Variants in COLQ observed in about 807,000 individuals in gnomAD.
COLQ encodes acetylcholinesterase collagenic tail peptide.
Under a neutral mutation model 69.0 loss-of-function variants are expected in COLQ, and 48 were observed. That is an observed-to-expected ratio of 0.70 (90% CI 0.55 to 0.88). The LOEUF (loss-of-function observed/expected upper bound fraction) is 0.88, where lower values mean the gene tolerates loss of function less well. Among genes scored for constraint, COLQ ranks in the 40% least tolerant of loss-of-function variants. The pLI, the probability that COLQ is intolerant of heterozygous loss-of-function variation, is 0.00. For missense variants in COLQ, 618 were observed against 594.6 expected (o/e 1.04, Z -0.41); for synonymous variants, 217 against 211.2 (o/e 1.03, Z -0.24).
chr3:15,464,365 G>T (rs2062166333), intron 12 of COLQ, among the ~76,000 whole-genome samples: 1 of 152,206 alleles, frequency 6.6e-6, no homozygotes, highest in Non-Finnish European at 1.5e-5. Flanking sequence ...TGGACAACAA[G>T]TCTATTTCTA....
At chr3:15,489,761 G>T in intron 1 of COLQ, 124 bp from the exon 2 acceptor site, 1 of 798,780 alleles carries the variant, frequency 1.3e-6, no homozygotes, top group Non-Finnish European at 2.1e-6. Context: ...TAGCCTGTTA[G>T]ATGTGGATAG....
intron 1 of COLQ, among the ~76,000 whole-genome samples, chr3:15,501,686 A>G (rs770152495): frequency 6.6e-6 from 1 of 152,226 alleles, no homozygotes; most frequent in Non-Finnish European, 1.5e-5. Context: ...TGCAGAGTCC[A>G]GTTATAGCCA....
chr3:15,475,611 C>T, intron 6 of COLQ, 124 bp from the exon 7 acceptor site: 2 of 812,672 alleles, frequency 2.5e-6, no homozygotes, highest in Non-Finnish European at 4.1e-6. Flanking sequence ...TCTGAGGACC[C>T]CAGATGCACC....
intron 15 of COLQ, among the ~76,000 whole-genome samples, chr3:15,455,042 A>G (rs1205651720): frequency 1.3e-5 from 2 of 152,146 alleles, no homozygotes; most frequent in African/African-American, 4.8e-5. Flanking sequence ...CTGGATCTTT[A>G]GAGCAGGGGC....
rs777785311 is a variant in COLQ at position 15,470,602 on chromosome 3, T to C, written c.651A>G (p.Pro217=). ...GMLGQKGEMG[P]KGEPGIAGHR... ...GTCCTGCTATCCCAGGTTCACCTTTTGGACCCATTTCACCCTGGAAAGAAG... is the reference window on the plus strand; with the variant it reads ...GTCCTGCTATCCCAGGTTCACCTTTCGGACCCATTTCACCCTGGAAAGAAG... Residue 217 remains proline, a synonymous_variant, in exon 11 of 17, where the codon CCA becomes CCG. Coordinates refer to ENST00000383788, the MANE Select transcript of COLQ (RefSeq NM_005677.4). 4 of 1,614,052 alleles carry C rather than the reference T, an allele frequency of 2.5e-6. No homozygotes were observed. In the African/African-American group the frequency reaches 5.3e-5, roughly 22 times the overall value.
intron 1 of COLQ, among the ~76,000 whole-genome samples, chr3:15,520,907 C>T (rs1176341772): frequency 6.6e-6 from 1 of 152,176 alleles, no homozygotes; most frequent in East Asian, 1.9e-4. Flanking sequence ...CTCTCAGGAC[C>T]TCCAGCTGCC....
intron 12 of COLQ, among the ~76,000 whole-genome samples, chr3:15,465,968 C>G (rs1208295457): frequency 6.6e-6 from 1 of 152,120 alleles, no homozygotes; most frequent in African/African-American, 2.4e-5. Context: ...TGGAAAAAAC[C>G]TGCAATGTCA....
Position 15,455,892 on chromosome 3 carries a change from C to T in COLQ, c.1195+7G>A, listed in dbSNP as rs1441382509. 2 of 1,614,082 alleles carry T rather than the reference C, an allele frequency of 1.2e-6. No individual in the cohort carries two copies. Among genetic ancestry groups the T allele is most frequent in the South Asian group, 1.1e-5 (1 of 91,086 alleles). ...CCTCAGGTCCTCCTGGTCTGGGCCT[C>T]ACTCACGGATGCAGTCGTCACCCAC... On this transcript the variant is annotated splice_region_variant and intron_variant, in intron 15 of 16. Transcript: ENST00000383788.
At chr3:15,474,812 G>C (rs2062350873) in intron 8 of COLQ, 113 bp downstream of exon 8, 14 of 1,235,920 alleles carry the variant, frequency 1.1e-5, no homozygotes, top group African/African-American at 3.0e-5. Context: ...GCTAGGGATG[G>C]TGGCTTCAGT....
At chr3:15,483,244 C>T (rs1000303256) in intron 3 of COLQ, among the ~76,000 whole-genome samples, 1 of 152,040 alleles carries the variant, frequency 6.6e-6, no homozygotes, top group African/African-American at 2.4e-5. Flanking sequence ...TTATTTCTTG[C>T]CTTCTGCTAG....
chr3:15,521,480 C>T, intron 1 of COLQ, 40 bp downstream of exon 1: 1 of 1,612,988 alleles, frequency 6.2e-7, no homozygotes, highest in Non-Finnish European at 8.5e-7. Flanking sequence ...CCCCTGTCCC[C>T]TGACAGATGG....
In COLQ at chr3:15,450,909, G is replaced by A. The variant is rs2061933126; in HGVS notation, c.*735C>T. 1 of 152,850 alleles carries A rather than the reference G, an allele frequency of 6.5e-6. No homozygotes were observed. Among genetic ancestry groups the A allele is most frequent in the Admixed American group, 6.5e-5 (1 of 15,340 alleles). 9.5% of individuals were successfully genotyped at this position (152,850 alleles called of 1,614,324 possible). A position where few individuals can be genotyped will look rare whatever the true frequency, so the allele number is the denominator to read the frequency against. On this transcript the variant is annotated 3_prime_UTR_variant, in exon 17 of 17. Coordinates refer to ENST00000383788, the MANE Select transcript of COLQ (RefSeq NM_005677.4). ...GCAGAGAGAGCCAAGAGGTCAAGAT[G>A]GTGCCAGAGATTTTGAAACCACAAG...
chr3:15,463,173 A>G (rs2062146433), intron 12 of COLQ, among the ~76,000 whole-genome samples: 1 of 152,150 alleles, frequency 6.6e-6, no homozygotes, highest in African/African-American at 2.4e-5. Context: ...AGGGAACCAG[A>G]CAAGTCAGGT....
intron 1 of COLQ, among the ~76,000 whole-genome samples, chr3:15,509,800 G>A (rs2125177029): frequency 1.3e-5 from 2 of 152,334 alleles, no homozygotes; most frequent in East Asian, 3.9e-4. Context: ...CATAGCCTGT[G>A]CACTGGGATG....
chr3:15,510,831 G>A (rs1304384059), intron 1 of COLQ, among the ~76,000 whole-genome samples: 2 of 143,214 alleles, frequency 1.4e-5, no homozygotes, highest in Non-Finnish European at 3.0e-5. Flanking sequence ...AGGGAGGAAG[G>A]GAGGAAGGGA....
chr3:15,504,338 C>T (rs1451906407), intron 1 of COLQ, among the ~76,000 whole-genome samples: 1 of 152,144 alleles, frequency 6.6e-6, no homozygotes, highest in African/African-American at 2.4e-5. Flanking sequence ...AAGGCCAAAA[C>T]CAAGGTGTGG....
chr3:15,479,313 G>C lies in COLQ; in HGVS notation c.366+25C>G, dbSNP rs147114462. ...AGGCTGGAATTGCCAAGGAAAGAAGGGTTGAAGAAAGTAGTGGTCCATACC... is the reference window on the plus strand; with the variant it reads ...AGGCTGGAATTGCCAAGGAAAGAAGCGTTGAAGAAAGTAGTGGTCCATACC... On this transcript the variant is annotated intron_variant, in intron 4 of 16. Coordinates refer to ENST00000383788, the MANE Select transcript of COLQ (RefSeq NM_005677.4). 470 of 1,612,314 alleles carry C rather than the reference G, an allele frequency of 2.9e-4. 1 individual carries two copies. The East Asian group carries it at 3.8e-3, about 13-fold the overall frequency.
At chr3:15,496,611 C>T (rs2062750202) in intron 1 of COLQ, among the ~76,000 whole-genome samples, 1 of 152,272 alleles carries the variant, frequency 6.6e-6, no homozygotes, top group South Asian at 2.1e-4. Context: ...TGGCTCAGCA[C>T]CAGGCAGCTG....
At position 15,474,938 on chromosome 3, in the gene COLQ, G is replaced by T. The variant is rs1264256935; in HGVS notation, c.542C>A (p.Ser181Tyr). 6.2e-7 allele frequency: 1 copy of T among 1,614,094 alleles called. No individual in the cohort carries two copies. Among genetic ancestry groups the T allele is most frequent in the Non-Finnish European group, 8.5e-7 (1 of 1,179,984 alleles). ...AAAAGCACTAACCTTTTCCCCTCTG[G>T]ATCCAGGGTAGCCCTAAAAGAAAGC... is the stretch of plus-strand genomic sequence containing the variant. ...GPMGSKGYPG[S>Y]RGEKGSRGEK... Residue 181 changes from serine to tyrosine, a missense_variant, in exon 8 of 17, where the codon TCC (serine) becomes TAC (tyrosine). By Grantham distance (144) the Ser-to-Tyr change is moderately radical. Transcript: ENST00000383788.
Sources: allele counts gnomAD v4.1 joint callset (sites outside exome capture counted in the v4.1 genomes callset), GRCh38; gene constraint gnomAD v4.1.1; transcripts MANE v1.5; gene names NCBI Gene and HGNC (gene_info 2026-07-23, HGNC 2026-07-21).